The following TULP3 variants were observed in gnomAD, a reference collection of about 807,000 sequenced individuals.
The protein encoded by TULP3 is tubby-related protein 3.
A neutral mutation model predicts 50.7 loss-of-function variants in TULP3; 38 were observed. The observed-to-expected ratio is 0.75, with a 90% CI of 0.58 to 0.98. The LOEUF (loss-of-function observed/expected upper bound fraction) is 0.98. TULP3 is among the 50% of genes least tolerant of loss of function. The pLI is 0.00. For synonymous variants in TULP3, 183 were observed against 196.6 expected (o/e 0.93, Z 0.58); for missense variants, 550 against 568.0 (o/e 0.97, Z 0.32).
intron 6 of TULP3, 122 bp from the exon 7 acceptor site, chr12:2,933,296 C>A: frequency 1.6e-6 from 1 of 630,520 alleles, no homozygotes. Flanking sequence ...CAAAGATTAA[C>A]AGCTTGACAT....
intron 6 of TULP3, among the ~76,000 whole-genome samples, chr12:2,933,202 A>G (rs981715799): frequency 1.3e-5 from 2 of 152,112 alleles, no homozygotes; most frequent in African/African-American, 4.8e-5. Context: ...CGGCCTCCCA[A>G]AGTGCTGGGA....
chr12:2,938,109 G>T lies in TULP3; in HGVS notation c.1024-5G>T, dbSNP rs376983189. ...GTACAAAGTAATGATTTTCCCTTTG[G>T]ACAGAACCATGACAGTTTGCTCTCA... On this transcript the variant is annotated splice_region_variant and splice_polypyrimidine_tract_variant and intron_variant, in intron 9 of 10. Coordinates refer to ENST00000448120, the MANE Select transcript of TULP3 (RefSeq NM_003324.5). 46 of 1,613,984 alleles carry T rather than the reference G, an allele frequency of 2.9e-5. No individual in the cohort carries two copies. In the African/African-American group the frequency reaches 5.7e-4, roughly 20 times the overall value.
At position 2,909,528 on chromosome 12, in the gene TULP3, G is replaced by A; in HGVS notation, c.42-1G>A. The A allele has an allele frequency of 6.4e-7, 1 of 1,566,816 alleles. No individual in the cohort carries two copies. Among genetic ancestry groups the A allele is most frequent in the Non-Finnish European group, 8.6e-7 (1 of 1,164,800 alleles). On this transcript the variant is annotated splice_acceptor_variant, in intron 1 of 10. Transcript: ENST00000448120. LOFTEE classifies it high-confidence loss of function. ...TGCTTTATTTTTTTTTTTTTTAACAGTGTCTTCCATGAAGAAATGATGAAG... is the reference window on the plus strand; with the variant it reads ...TGCTTTATTTTTTTTTTTTTTAACAATGTCTTCCATGAAGAAATGATGAAG...
intron 1 of TULP3, among the ~76,000 whole-genome samples, chr12:2,906,925 G>GTAAA (rs1316754586): frequency 6.6e-6 from 1 of 151,670 alleles, no homozygotes; most frequent in Admixed American, 6.6e-5. Context: ...CTCAAAATAA[G>GTAAA]TAAATAAATA....
intron 1 of TULP3, among the ~76,000 whole-genome samples, chr12:2,895,528 T>C (rs1452020262): frequency 6.6e-6 from 1 of 152,248 alleles, no homozygotes; most frequent in East Asian, 1.9e-4. Flanking sequence ...TGTGTCAGTA[T>C]GTGTAAAAAC....
chr12:2,931,233 A>G lies in TULP3; in HGVS notation c.689A>G (p.Asn230Ser). Residue 230 changes from asparagine (N) to serine (S), a missense_variant, in exon 6 of 11, where the codon AAT becomes AGT. Physicochemically the swap from Asn to Ser is conservative, Grantham distance 46 (BLOSUM62 1). Transcript: ENST00000448120. ...TYYMYLEKEE[N>S]QKIFLLAARK... is the part of the protein sequence containing the mutation. ...TATATGTACTTGGAAAAAGAAGAAA[A>G]TCAGAAGGTATGAGAATTGATTTCT... The G allele has an allele frequency of 6.2e-7, 1 of 1,613,782 alleles. No homozygotes were observed. Among genetic ancestry groups the G allele is most frequent in the Non-Finnish European group, 8.5e-7 (1 of 1,179,842 alleles).
intron 1 of TULP3, among the ~76,000 whole-genome samples, chr12:2,904,018 G>T (rs572578494): frequency 6.6e-6 from 1 of 152,110 alleles, no homozygotes; most frequent in Non-Finnish European, 1.5e-5. Context: ...TCCTGACCTC[G>T]TGATCCGCCC....
chr12:2,922,792 T>C (rs1271766719), intron 4 of TULP3, among the ~76,000 whole-genome samples: 1 of 152,138 alleles, frequency 6.6e-6, no homozygotes, highest in Non-Finnish European at 1.5e-5. Context: ...AGCTCTCATT[T>C]CCATAAATAT....
chr12:2,905,904 A>G (rs1189283396), intron 1 of TULP3, among the ~76,000 whole-genome samples: 3 of 151,898 alleles, frequency 2.0e-5, no homozygotes, highest in Non-Finnish European at 4.4e-5. Context: ...AGTGTTGAGA[A>G]CAGAGTGCAG....
Sources: allele counts gnomAD v4.1 joint callset (sites outside exome capture counted in the v4.1 genomes callset), GRCh38; gene constraint gnomAD v4.1.1; transcripts MANE v1.5; gene names NCBI Gene and HGNC (gene_info 2026-07-23, HGNC 2026-07-21).